The following GPR107 variants were observed in gnomAD, a reference collection of about 807,000 sequenced individuals.
GPR107 encodes G protein-coupled receptor 107, also known as protein GPR107.
GPR107 carries 31 observed loss-of-function variants against 75.5 expected under a neutral mutation model. The observed-to-expected ratio is 0.41, with a 90% CI of 0.31 to 0.55. The LOEUF is 0.55. Among genes scored for constraint, GPR107 ranks in the 20% least tolerant of loss-of-function variants. The pLI is 0.26. For missense variants in GPR107, 572 were observed against 665.7 expected (o/e 0.86, Z 1.55); for synonymous variants, 267 against 251.3 (o/e 1.06, Z -0.59).
intron 9 of GPR107, among the ~76,000 whole-genome samples, chr9:130,098,407 T>C (rs1830933069): frequency 6.6e-6 from 1 of 152,198 alleles, no homozygotes. Flanking sequence ...TCCCTACTGC[T>C]GGCTCCCAGT....
chr9:130,073,891 GAT>G (rs1830275412), intron 1 of GPR107, among the ~76,000 whole-genome samples: 2 of 152,220 alleles, frequency 1.3e-5, no homozygotes, highest in Non-Finnish European at 2.9e-5. Flanking sequence ...AAGTAGCTGG[GAT>G]TACAGGCATG....
At chr9:130,068,535 T>TTAC (rs1427466703) in intron 1 of GPR107, among the ~76,000 whole-genome samples, 5 of 152,188 alleles carry the variant, frequency 3.3e-5, no homozygotes, top group Non-Finnish European at 7.3e-5. Context: ...CAGTTAAGTG[T>TTAC]TACTGTATTT....
intron 17 of GPR107, among the ~76,000 whole-genome samples, chr9:130,130,672 C>T (rs1554898891): frequency 6.6e-6 from 1 of 152,080 alleles, no homozygotes; most frequent in Non-Finnish European, 1.5e-5. Context: ...GAGTTCGAGA[C>T]CAGCCTGGCC....
intron 14 of GPR107, among the ~76,000 whole-genome samples, chr9:130,124,627 A>T (rs1009967720): frequency 3.3e-5 from 5 of 152,130 alleles, no homozygotes; most frequent in Non-Finnish European, 7.4e-5. Flanking sequence ...TGATGTCAGT[A>T]TACTCCCACC....
At chr9:130,092,866 A>C (rs1269344839) in intron 9 of GPR107, among the ~76,000 whole-genome samples, 2 of 152,118 alleles carry the variant, frequency 1.3e-5, no homozygotes, top group Non-Finnish European at 2.9e-5. Context: ...TGATCTGCCC[A>C]CATGGGCCTC....
chr9:130,134,985 CTG>C (rs1221892071), intron 17 of GPR107, 38 bp from the exon 18 acceptor site: 5 of 1,142,290 alleles, frequency 4.4e-6, no homozygotes, highest in Non-Finnish European at 2.6e-6. Flanking sequence ...TACTAAGAGA[CTG>C]TGAGATGTTC....
intron 9 of GPR107, among the ~76,000 whole-genome samples, chr9:130,098,435 C>T (rs867557698): frequency 4.6e-5 from 7 of 152,210 alleles, no homozygotes; most frequent in Admixed American, 1.3e-4. Flanking sequence ...CTCTGGGCTG[C>T]AGACTTCCCC....
intron 1 of GPR107, among the ~76,000 whole-genome samples, chr9:130,069,595 T>G (rs945375602): frequency 2.6e-5 from 4 of 152,226 alleles, no homozygotes; most frequent in African/African-American, 9.6e-5. Flanking sequence ...ACATATCTTA[T>G]TTGACATGAC....
Position 130,077,335 on chromosome 9 carries a change from T to C in GPR107, c.343T>C (p.Ser115Pro). 1 of 1,574,856 alleles carries C rather than the reference T, an allele frequency of 6.3e-7. No homozygotes were observed. The highest frequency in any genetic ancestry group is 1.3e-5 in the African/African-American group (1 of 74,274). ...DVNYCILKKQ[S>P]VSVTLLILDI... ...GAATTACTGTATTTTAAAGAAACAG[T>C]CTGTCTCTGTCACCCTTTTAATCCT... Residue 115 changes from serine to proline, a missense_variant, in exon 4 of 18, where the codon TCT becomes CCT. Coordinates refer to ENST00000347136, the MANE Select transcript of GPR107 (RefSeq NM_020960.5).
At chr9:130,093,111 T>G (rs1191135467) in intron 9 of GPR107, among the ~76,000 whole-genome samples, 1 of 152,188 alleles carries the variant, frequency 6.6e-6, no homozygotes. Flanking sequence ...ACTGAAGGTC[T>G]TGGCTCAAAG....
At position 130,128,735 on chromosome 9, in the gene GPR107, A is replaced by G. The variant is rs1448468347; in HGVS notation, c.1536A>G (p.Glu512=). The change falls in exon 17 of 18, where the codon GAA becomes GAG. Residue 512 remains glutamate, a synonymous_variant. Coordinates refer to ENST00000347136, the MANE Select transcript of GPR107 (RefSeq NM_020960.5). ...ACCCCTACCTACAACTTTCTCAGGA[A>G]GAAGAAGACTTGGAAATGGAGTCCG... ...SDNPYLQLSQ[E]EEDLEMESVV... 2.5e-6 allele frequency: 4 copies of G among 1,613,388 alleles called. No homozygotes were observed. Among genetic ancestry groups the G allele is most frequent in the Non-Finnish European group, 3.4e-6 (4 of 1,179,402 alleles).
chr9:130,101,190 C>G lies in GPR107; in HGVS notation c.1098C>G (p.Asp366Glu). 6.3e-7 allele frequency: 1 copy of G among 1,589,110 alleles called. No homozygotes were observed. The highest frequency in any genetic ancestry group is 1.1e-5 in the South Asian group (1 of 90,570). Residue 366 changes from aspartate (D) to glutamate (E), a missense_variant, in exon 12 of 18, where the codon GAC (aspartate) becomes GAG (glutamate). Transcript: ENST00000347136. ...TTAAGCACATCCTTTCTGATAAAGA[C>G]AAAAAGATCTTCATGATTGTCATTC... ...AFIKHILSDK[D>E]KKIFMIVIPL...
chr9:130,083,735 C>T (rs1830545913), intron 6 of GPR107, 133 bp downstream of exon 6: 1 of 462,288 alleles, frequency 2.2e-6, no homozygotes, highest in African/African-American at 2.0e-5. Flanking sequence ...TACAGTCGTC[C>T]CTTGGTGACC....
At chr9:130,064,332 G>A (rs1830014500) in intron 1 of GPR107, among the ~76,000 whole-genome samples, 1 of 150,172 alleles carries the variant, frequency 6.7e-6, no homozygotes, top group Admixed American at 6.6e-5. Context: ...CGAGTAGCTG[G>A]GACTACAGGC....
chr9:130,109,120 C>T (rs1310538922), intron 14 of GPR107, among the ~76,000 whole-genome samples: 1 of 151,242 alleles, frequency 6.6e-6, no homozygotes, highest in Non-Finnish European at 1.5e-5. Flanking sequence ...CTGCCTCAGC[C>T]TCCCAAGTAG....
intron 9 of GPR107, among the ~76,000 whole-genome samples, chr9:130,098,359 G>C (rs1394422572): frequency 6.6e-6 from 1 of 152,190 alleles, no homozygotes; most frequent in Admixed American, 6.5e-5. Flanking sequence ...ATGAAGGAGA[G>C]AGAAATGGGC....
chr9:130,071,035 CTTTTTTT>C (rs56799662), intron 1 of GPR107, among the ~76,000 whole-genome samples: 14 of 98,178 alleles, frequency 1.4e-4, no homozygotes, highest in South Asian at 7.1e-4. Context: ...TTTTTTTTTT[CTTTTTTT>C]TTTTTTTTTT....
At chr9:130,076,626 C>T (rs922313869) in intron 3 of GPR107, among the ~76,000 whole-genome samples, 164 bp downstream of exon 3, 2 of 152,038 alleles carry the variant, frequency 1.3e-5, no homozygotes, top group Non-Finnish European at 2.9e-5. Flanking sequence ...GCGATCCTCC[C>T]GCCTCAGTCC....
intron 14 of GPR107, 123 bp downstream of exon 14, chr9:130,107,662 G>C (rs553189034): frequency 2.6e-6 from 2 of 760,416 alleles, no homozygotes; most frequent in Non-Finnish European, 2.4e-6. Context: ...GGAGAGCTAG[G>C]GGAGGCCTGG....
Sources: allele counts gnomAD v4.1 joint callset (sites outside exome capture counted in the v4.1 genomes callset), GRCh38; gene constraint gnomAD v4.1.1; transcripts MANE v1.5; gene names NCBI Gene and HGNC (gene_info 2026-07-23, HGNC 2026-07-21).